Variants in BRD1 observed in about 807,000 individuals in gnomAD.
The protein encoded by BRD1 is bromodomain-containing protein 1.
BRD1 carries 24 observed loss-of-function variants against 107.7 expected under a neutral mutation model. The observed-to-expected ratio is 0.22, with a 90% CI of 0.16 to 0.31. The LOEUF (loss-of-function observed/expected upper bound fraction) is 0.31, where lower values mean the gene tolerates loss of function less well. BRD1 is among the 10% of genes least tolerant of loss of function. The probability of loss-of-function intolerance (pLI) is 1.00; values close to 1 mark genes in which losing one functional copy is unlikely to be tolerated. For missense variants in BRD1, 1,279 were observed against 1,638.6 expected (o/e 0.78, Z 3.79); for synonymous variants, 744 against 686.1 (o/e 1.08, Z -1.32).
Position 49,775,726 on chromosome 22 carries a change from G to A in BRD1, c.3251C>T (p.Pro1084Leu). 2 of 1,611,300 alleles carry A rather than the reference G, an allele frequency of 1.2e-6. No homozygotes were observed. The highest frequency in any genetic ancestry group is 8.5e-7 in the Non-Finnish European group (1 of 1,178,784). ...YPALIIDPKM[P>L]RVPGHHNGVT... ...GCCGTTGTGGTGGCCAGGCACACGG[G>A]GCATCTTGGGGTCGATGATCTGCAC... The change falls in exon 12 of 13, where the codon CCC becomes CTC. Residue 1084 changes from proline (P) to leucine (L), a missense_variant. By Grantham distance (98) the Pro-to-Leu change is moderately conservative. This residue lies in a region of BRD1 where 136 missense variants were observed against 196.8 expected (regional missense o/e 0.69). Coordinates refer to ENST00000404760, the MANE Select transcript of BRD1 (RefSeq NM_001304808.3).
intron 12 of BRD1, 141 bp from the exon 13 acceptor site, chr22:49,774,557 CA>C (rs2059043434): frequency 2.1e-6 from 2 of 951,478 alleles, no homozygotes; most frequent in Non-Finnish European, 3.1e-6. Context: ...GGGCCCCGTG[CA>C]GGGACAGGCC....
intron 9 of BRD1, 43 bp downstream of exon 9, chr22:49,777,635 G>A: frequency 6.3e-7 from 1 of 1,585,708 alleles, no homozygotes; most frequent in Non-Finnish European, 8.5e-7. Flanking sequence ...GGCGGGCGGT[G>A]CTGGGAGCTG....
In BRD1 at chr22:49,798,194, T is replaced by A. The variant is rs2059570980; in HGVS notation, c.1786-77A>T. Reference sequence around the variant, plus strand: ...TTGACTCTATATTTATTATTCCATATAACCCACAAGCCCATCCTATCTGAG... The same window carrying A: ...TTGACTCTATATTTATTATTCCATAAAACCCACAAGCCCATCCTATCTGAG... On this transcript the variant is annotated intron_variant, in intron 5 of 12. Transcript: ENST00000404760. The A allele has an allele frequency of 2.9e-6, 4 of 1,391,978 alleles. No homozygotes were observed. The Admixed American group carries it at 6.0e-5, about 21-fold the overall frequency. The allele number at this position is 1,391,978 out of a possible 1,614,324, so 86.2% of individuals were successfully genotyped here. A position where few individuals can be genotyped will look rare whatever the true frequency, so the allele number is the denominator to read the frequency against.
At chr22:49,799,151 C>T (rs756663716) in intron 3 of BRD1, 32 bp from the exon 4 acceptor site, 1 of 1,590,898 alleles carries the variant, frequency 6.3e-7, no homozygotes, top group Non-Finnish European at 8.5e-7. Flanking sequence ...GTCAGTCAAA[C>T]CCAGAGGCTC....
intron 2 of BRD1, among the ~76,000 whole-genome samples, chr22:49,814,075 C>G (rs191982059): frequency 2.0e-5 from 3 of 152,170 alleles, no homozygotes; most frequent in East Asian, 1.9e-4. Context: ...GGCCAGGACT[C>G]GCTTCAAAAC....
intron 12 of BRD1, 160 bp downstream of exon 12, chr22:49,775,431 C>T (rs2059062431): frequency 1.5e-6 from 1 of 686,860 alleles, no homozygotes; most frequent in Non-Finnish European, 2.1e-6. Flanking sequence ...GGGCAGTGCC[C>T]TTCTCCACCA....
At chr22:49,807,762 T>C (rs1476296244) in intron 2 of BRD1, among the ~76,000 whole-genome samples, 1 of 152,166 alleles carries the variant, frequency 6.6e-6, no homozygotes, top group Non-Finnish European at 1.5e-5. Context: ...CTGGGCTTCA[T>C]GAAAAATGTT....
chr22:49,791,178 C>T (rs77088998), intron 7 of BRD1, among the ~76,000 whole-genome samples: 2,352 of 152,360 alleles, frequency 0.015, 73 homozygotes, highest in African/African-American at 0.053. Context: ...CACGCAGCCC[C>T]GGGGAAGTCA....
intron 7 of BRD1, among the ~76,000 whole-genome samples, chr22:49,788,182 A>G (rs2059365789): frequency 6.6e-6 from 1 of 152,192 alleles, no homozygotes; most frequent in South Asian, 2.1e-4. Context: ...ACTCGAGTTC[A>G]TGACAGTTTC....
Position 49,797,790 on chromosome 22 carries a change from G to A in BRD1, c.2098+15C>T, listed in dbSNP as rs78622002. 1.7e-3 allele frequency: 2,745 copies of A among 1,572,124 alleles called. 51 individuals carry two copies. The African/African-American group carries it at 0.033, about 19-fold the overall frequency. On this transcript the variant is annotated intron_variant, in intron 6 of 12. Coordinates refer to ENST00000404760, the MANE Select transcript of BRD1 (RefSeq NM_001304808.3). ...AGCGTCTTCCACCTCCTCCGGACACGGCGCCAGTTCTTACCGTCTTCCCAG... is the reference window on the plus strand; with the variant it reads ...AGCGTCTTCCACCTCCTCCGGACACAGCGCCAGTTCTTACCGTCTTCCCAG...
chr22:49,777,312 G>GA, intron 9 of BRD1, 151 bp from the exon 10 acceptor site: 3 of 1,281,608 alleles, frequency 2.3e-6, no homozygotes, highest in Non-Finnish European at 3.2e-6. Context: ...CGCAGGTCTG[G>GA]AGGGAGTGAA....
chr22:49,791,320 A>C (rs946788264), intron 7 of BRD1, among the ~76,000 whole-genome samples: 2 of 152,230 alleles, frequency 1.3e-5, no homozygotes, highest in Non-Finnish European at 2.9e-5. Context: ...CCCAGGAGGC[A>C]TCTCCTTCCT....
At chr22:49,821,205 C>T (rs932022816) in intron 2 of BRD1, among the ~76,000 whole-genome samples, 7 of 152,200 alleles carry the variant, frequency 4.6e-5, no homozygotes, top group Non-Finnish European at 7.3e-5. Context: ...CGGCCAGGCC[C>T]GGCCTCTCCC....
At chr22:49,788,157 A>G (rs1025348321) in intron 7 of BRD1, among the ~76,000 whole-genome samples, 4 of 152,148 alleles carry the variant, frequency 2.6e-5, no homozygotes, top group African/African-American at 7.2e-5. Flanking sequence ...CACATGCGCC[A>G]ATATTAAACA....
At chr22:49,804,082 G>T in intron 3 of BRD1, 122 bp downstream of exon 3, 1 of 822,310 alleles carries the variant, frequency 1.2e-6, no homozygotes, top group East Asian at 3.1e-5. Context: ...CGAGACGGAG[G>T]CTTCCCAACG....
intron 8 of BRD1, among the ~76,000 whole-genome samples, chr22:49,786,439 C>A (rs1381437649): frequency 6.6e-6 from 1 of 152,194 alleles, no homozygotes; most frequent in Non-Finnish European, 1.5e-5. Context: ...ACACCCTCAC[C>A]GAGGAATTCA....
Position 49,824,966 on chromosome 22 carries a change from C to T in BRD1, c.-14-635G>A, listed in dbSNP as rs559935109. 1.2e-4 allele frequency among the ~76,000 whole-genome samples: 18 copies of T among 152,274 alleles called. No homozygotes were observed. In the South Asian group the frequency reaches 2.5e-3, roughly 21 times the overall value. On this transcript the variant is annotated intron_variant, in intron 1 of 12. Coordinates refer to ENST00000404760, the MANE Select transcript of BRD1 (RefSeq NM_001304808.3). The surrounding 1 kb of genome is among the most constrained non-coding windows in gnomAD (Gnocchi z 5.9). Reference sequence around the variant, plus strand: ...AGACAGGCCCTCCACACGCACAACACGGCACAGGGGACCAACAGGGGAGCC... The same window carrying T: ...AGACAGGCCCTCCACACGCACAACATGGCACAGGGGACCAACAGGGGAGCC...
chr22:49,819,936 C>A (rs2060032577), intron 2 of BRD1, among the ~76,000 whole-genome samples: 1 of 151,872 alleles, frequency 6.6e-6, no homozygotes, highest in Non-Finnish European at 1.5e-5. Context: ...TCAAGACCAG[C>A]CTGGCCAACA....
intron 12 of BRD1, 135 bp from the exon 13 acceptor site, chr22:49,774,551 C>T (rs2059043261): frequency 6.0e-6 from 6 of 1,004,766 alleles, no homozygotes; most frequent in Non-Finnish European, 2.9e-6. Context: ...ACAGCTGGGC[C>T]CCGTGCAGGG....
Sources: gnomAD v4.1 joint callset for allele counts (sites outside exome capture counted in the v4.1 genomes callset) on GRCh38, gnomAD v4.1.1 for gene constraint, gnomAD v4.1.1 regional missense constraint, Gnocchi (gnomAD v3.1) non-coding constraint, MANE v1.5 for transcripts, NCBI Gene and HGNC (gene_info 2026-07-23, HGNC 2026-07-21) for gene names.